NHEJ1: variants seen among roughly 807,000 people sequenced by gnomAD.
NHEJ1 encodes the protein non-homologous end-joining factor 1.
Under a neutral mutation model 39.4 loss-of-function variants are expected in NHEJ1, and 22 were observed. The observed-to-expected ratio is 0.56, with a 90% CI of 0.40 to 0.80. The LOEUF (loss-of-function observed/expected upper bound fraction) is 0.80, where lower values mean the gene tolerates loss of function less well. Ranked by LOEUF, NHEJ1 falls within the 30% of genes least tolerant of loss-of-function variation. NHEJ1 has a pLI of 0.00. For missense variants in NHEJ1, 329 were observed against 357.1 expected, an observed-to-expected ratio of 0.92 and a Z score of 0.63; for synonymous variants, 154 against 135.6, an observed-to-expected ratio of 1.14 and a Z score of -0.94.
rs1430718833 is a variant in NHEJ1, at chr2:219,071,486, A to G, written c.*4895T>C. On this transcript the variant is annotated 3_prime_UTR_variant, in exon 8 of 8. Transcript: ENST00000356853. Reference sequence around the variant, plus strand: ...AGGATCTGATTAACCATGTTAGACAACAATGCCGAGCTGGGATGGGCTTCC... The same window carrying G: ...AGGATCTGATTAACCATGTTAGACAGCAATGCCGAGCTGGGATGGGCTTCC... Among the ~76,000 whole-genome samples the G allele has an allele frequency of 6.6e-6, 1 of 152,230 alleles. No homozygotes were observed. The highest frequency in any genetic ancestry group is 1.5e-5 in the Non-Finnish European group (1 of 68,036).
At chr2:219,092,110 A>G (rs1436400313) in intron 5 of NHEJ1, among the ~76,000 whole-genome samples, 1 of 152,182 alleles carries the variant, frequency 6.6e-6, no homozygotes, top group African/African-American at 2.4e-5. Context: ...TGGGCAACAT[A>G]GTAAGACTCT....
rs1166884579 is a variant in NHEJ1, at chr2:219,080,641, TTA to T, written c.589-2437_589-2436del. ...TATATATATGCTAATATATATAAGCTTATATATATGCTAATATATATAAGCTT... is the reference window on the plus strand; with the variant it reads ...TATATATATGCTAATATATATAAGCTTATATATGCTAATATATATAAGCTT... On this transcript the variant is annotated intron_variant, in intron 5 of 7. Transcript: ENST00000356853. 2.1e-3 allele frequency among the ~76,000 whole-genome samples: 223 copies of T among 104,808 alleles called. 1 individual carries two copies. The highest frequency in any genetic ancestry group is 0.011 in the African/African-American group (214 of 20,258). The allele number at this position is 104,808 out of a possible 152,430, so 68.8% of individuals were successfully genotyped here.
intron 3 of NHEJ1, among the ~76,000 whole-genome samples, chr2:219,153,335 C>A (rs989803580): frequency 6.6e-6 from 1 of 152,146 alleles, no homozygotes; most frequent in African/African-American, 2.4e-5. Flanking sequence ...GTTACAAATT[C>A]GAGTCTGCTG....
intron 3 of NHEJ1, among the ~76,000 whole-genome samples, chr2:219,151,101 C>G (rs1383411180): frequency 7.5e-6 from 1 of 132,694 alleles, no homozygotes; most frequent in Non-Finnish European, 1.5e-5. Flanking sequence ...ACACTCCAGA[C>G]TAGGTGACAG....
At chr2:219,110,868 T>A (rs1949359480) in intron 5 of NHEJ1, among the ~76,000 whole-genome samples, 1 of 152,058 alleles carries the variant, frequency 6.6e-6, no homozygotes, top group Non-Finnish European at 1.5e-5. Flanking sequence ...ATCACAGCGC[T>A]CCTCCTCCAT....
rs1186796242 is a variant in NHEJ1, at chr2:219,070,484, G to A, written c.*5897C>T. Reference sequence around the variant, plus strand: ...TGGGATTACAGGCGTGAGCCACTGCGCCTGGCCCACCACGCTAATTTTAAA... The same window carrying A: ...TGGGATTACAGGCGTGAGCCACTGCACCTGGCCCACCACGCTAATTTTAAA... On this transcript the variant is annotated 3_prime_UTR_variant, in exon 8 of 8. Transcript: ENST00000356853. Among the ~76,000 whole-genome samples the A allele has an allele frequency of 5.9e-5, 9 of 152,138 alleles. No homozygotes were observed. The highest frequency in any genetic ancestry group is 1.2e-4 in the African/African-American group (5 of 41,428).
chr2:219,128,487 G>A (rs1202455190), intron 5 of NHEJ1, among the ~76,000 whole-genome samples: 1 of 152,122 alleles, frequency 6.6e-6, no homozygotes, highest in Admixed American at 6.5e-5. Context: ...AATAGATAGT[G>A]AATCTGCTAC....
intron 5 of NHEJ1, among the ~76,000 whole-genome samples, chr2:219,109,564 C>A (rs1002710222): frequency 5.9e-5 from 9 of 152,284 alleles, no homozygotes; most frequent in African/African-American, 2.2e-4. Context: ...GAAGCACTTG[C>A]TGCATCAAGG....
intron 5 of NHEJ1, among the ~76,000 whole-genome samples, chr2:219,089,442 A>G (rs1197801439): frequency 6.6e-6 from 1 of 152,242 alleles, no homozygotes. Flanking sequence ...GCTTTAATAC[A>G]TGAACCTTGA....
intron 5 of NHEJ1, among the ~76,000 whole-genome samples, chr2:219,135,331 G>A (rs980912669): frequency 1.3e-5 from 2 of 152,180 alleles, no homozygotes; most frequent in African/African-American, 4.8e-5. Context: ...TCAAGGCCGG[G>A]CACAGTGGCT....
intron 5 of NHEJ1, among the ~76,000 whole-genome samples, chr2:219,126,033 C>T (rs1422958787): frequency 6.6e-6 from 1 of 152,248 alleles, no homozygotes; most frequent in Non-Finnish European, 1.5e-5. Flanking sequence ...AGGATTCCCT[C>T]CAACTGTGTC....
At chr2:219,142,349 T>C (rs1487442141) in intron 5 of NHEJ1, among the ~76,000 whole-genome samples, 2 of 151,920 alleles carry the variant, frequency 1.3e-5, no homozygotes, top group Non-Finnish European at 2.9e-5. Flanking sequence ...TAGCCAGGGG[T>C]TGCCAGCTGT....
At chr2:219,103,022 A>AAAG (rs1357375553) in intron 5 of NHEJ1, among the ~76,000 whole-genome samples, 107 of 147,858 alleles carry the variant, frequency 7.2e-4, no homozygotes, top group South Asian at 1.3e-3. Flanking sequence ...AAAAAAAAAA[A>AAAG]AAAAAAAAAT....
At chr2:219,147,068 C>G (rs1322414727) in intron 4 of NHEJ1, among the ~76,000 whole-genome samples, 1 of 152,232 alleles carries the variant, frequency 6.6e-6, no homozygotes, top group African/African-American at 2.4e-5. Flanking sequence ...TGGTACAATT[C>G]TGTATAGCTA....
rs1465564808 is a variant in NHEJ1 at position 219,070,308 on chromosome 2, T to C, written c.*6073A>G. Reference sequence around the variant, plus strand: ...TTCCAGCGATTCTCCTGCCTCAGCCTCCTGAGTAGACTAGCTGGGATTACA... The same window carrying C: ...TTCCAGCGATTCTCCTGCCTCAGCCCCCTGAGTAGACTAGCTGGGATTACA... On this transcript the variant is annotated 3_prime_UTR_variant, in exon 8 of 8. Coordinates refer to ENST00000356853, the MANE Select transcript of NHEJ1 (RefSeq NM_024782.3). Among the ~76,000 whole-genome samples the C allele has an allele frequency of 6.6e-6, 1 of 152,170 alleles. No individual in the cohort carries two copies. Among genetic ancestry groups the C allele is most frequent in the Admixed American group, 6.5e-5 (1 of 15,282 alleles).
At chr2:219,110,005 T>C (rs1018429490) in intron 5 of NHEJ1, among the ~76,000 whole-genome samples, 2 of 152,206 alleles carry the variant, frequency 1.3e-5, no homozygotes, top group African/African-American at 2.4e-5. Context: ...ATCTCCCCGA[T>C]TGGGTATGTA....
Position 219,078,224 on chromosome 2 carries a change from T to G in NHEJ1, c.589-18A>C. 6.3e-7 allele frequency: 1 copy of G among 1,591,966 alleles called. No individual in the cohort carries two copies. The highest frequency in any genetic ancestry group is 8.6e-7 in the Non-Finnish European group (1 of 1,159,796). On this transcript the variant is annotated intron_variant, in intron 5 of 7. Coordinates refer to ENST00000356853, the MANE Select transcript of NHEJ1 (RefSeq NM_024782.3). ...GGCAGTTTCTGTAAGAGAGAGGAGA[T>G]ACTGTCATTGGTTACACTGTATTGC...
chr2:219,140,750 A>G (rs1185151308), intron 5 of NHEJ1, among the ~76,000 whole-genome samples: 1 of 152,234 alleles, frequency 6.6e-6, no homozygotes, highest in Non-Finnish European at 1.5e-5. Context: ...GAAAATGTTA[A>G]ACAAGCAGTC....
At chr2:219,130,240 A>C (rs1949565454) in intron 5 of NHEJ1, among the ~76,000 whole-genome samples, 1 of 152,200 alleles carries the variant, frequency 6.6e-6, no homozygotes, top group African/African-American at 2.4e-5. Flanking sequence ...TTTATATATG[A>C]GGACAAGCTG....
Sources: gnomAD v4.1 joint callset for allele counts (sites outside exome capture counted in the v4.1 genomes callset) on GRCh38, gnomAD v4.1.1 for gene constraint, MANE v1.5 for transcripts, NCBI Gene and HGNC (gene_info 2026-07-23, HGNC 2026-07-21) for gene names.